CADPS2: variants seen among roughly 807,000 people sequenced by gnomAD.
The protein encoded by CADPS2 is calcium-dependent secretion activator 2.
In CADPS2, 93 loss-of-function variants were observed where a neutral mutation model predicts 172.5. The observed-to-expected ratio is 0.54, with a 90% CI of 0.46 to 0.64. The LOEUF (loss-of-function observed/expected upper bound fraction) is 0.64. Among genes scored for constraint, CADPS2 ranks in the 30% least tolerant of loss-of-function variants. CADPS2 has a pLI of 0.00. For synonymous variants in CADPS2, 546 were observed against 555.2 expected (o/e 0.98, Z 0.23); for missense variants, 1,420 against 1,565.9 (o/e 0.91, Z 1.57).
intron 5 of CADPS2, 99 bp from the exon 6 acceptor site, chr7:122,615,398 C>A: frequency 2.7e-6 from 2 of 743,476 alleles, no homozygotes; most frequent in Admixed American, 7.5e-5. Context: ...ATTGACAAAA[C>A]TGAAAAAAAA....
At chr7:122,689,204 C>T (rs912947204) in intron 2 of CADPS2, among the ~76,000 whole-genome samples, 11 of 152,250 alleles carry the variant, frequency 7.2e-5, no homozygotes, top group Middle Eastern at 6.8e-3. Context: ...ATCATCAAGG[C>T]GCTCAATCAC....
chr7:122,499,976 G>T (rs2059062578), intron 9 of CADPS2, among the ~76,000 whole-genome samples: 1 of 152,148 alleles, frequency 6.6e-6, no homozygotes, highest in Non-Finnish European at 1.5e-5. Flanking sequence ...GGGAAGGTCT[G>T]CCTTCCCTGC....
intron 25 of CADPS2, among the ~76,000 whole-genome samples, chr7:122,362,504 A>G (rs1349433286): frequency 1.3e-5 from 2 of 152,050 alleles, no homozygotes; most frequent in Non-Finnish European, 2.9e-5. Context: ...GAAATAAAAA[A>G]ACACATACAC....
intron 3 of CADPS2, among the ~76,000 whole-genome samples, chr7:122,630,720 A>G (rs766586177): frequency 6.6e-6 from 1 of 152,182 alleles, no homozygotes; most frequent in Non-Finnish European, 1.5e-5. Context: ...TTCTTTAAAG[A>G]TATACACAAA....
intron 20 of CADPS2, among the ~76,000 whole-genome samples, chr7:122,402,117 T>C (rs951971381): frequency 6.6e-6 from 1 of 152,206 alleles, no homozygotes; most frequent in Admixed American, 6.5e-5. Context: ...AGAAGTCTTG[T>C]CACAGATGGT....
intron 2 of CADPS2, among the ~76,000 whole-genome samples, chr7:122,726,465 C>A (rs2091096294): frequency 6.6e-6 from 1 of 151,898 alleles, no homozygotes. Flanking sequence ...GTGAAGCCAG[C>A]CCCCACTGTG....
chr7:122,407,519 A>G (rs767889493), intron 20 of CADPS2, 21 bp downstream of exon 20: 1 of 1,603,640 alleles, frequency 6.2e-7, no homozygotes, highest in Non-Finnish European at 8.5e-7. Context: ...TTCACATATG[A>G]AAGAAAACGC....
intron 2 of CADPS2, among the ~76,000 whole-genome samples, chr7:122,719,856 T>G (rs2090154307): frequency 1.3e-5 from 2 of 152,116 alleles, no homozygotes; most frequent in South Asian, 2.1e-4. Context: ...ATCAAAATCT[T>G]GCATAGATTA....
intron 7 of CADPS2, among the ~76,000 whole-genome samples, chr7:122,560,847 T>C (rs530444663): frequency 6.6e-6 from 1 of 152,116 alleles, no homozygotes; most frequent in Admixed American, 6.5e-5. Flanking sequence ...AGGTAGCATA[T>C]ATTATGAAAG....
At chr7:122,546,919 T>TAA (rs2063681014) in intron 8 of CADPS2, among the ~76,000 whole-genome samples, 1 of 151,630 alleles carries the variant, frequency 6.6e-6, no homozygotes, top group Non-Finnish European at 1.5e-5. Flanking sequence ...TATCTAAATG[T>TAA]GAAAAAAAAG....
At chr7:122,791,410 T>G (rs1795266072) in intron 1 of CADPS2, among the ~76,000 whole-genome samples, 1 of 152,168 alleles carries the variant, frequency 6.6e-6, no homozygotes, top group African/African-American at 2.4e-5. Context: ...TCATTTTCTT[T>G]GATTCTCAAT....
intron 8 of CADPS2, among the ~76,000 whole-genome samples, chr7:122,545,108 T>C (rs2063492452): frequency 6.6e-6 from 1 of 152,130 alleles, no homozygotes; most frequent in Non-Finnish European, 1.5e-5. Context: ...CAGATTCTCT[T>C]GTGCAGCTTG....
intron 8 of CADPS2, among the ~76,000 whole-genome samples, chr7:122,547,072 G>A (rs1173198945): frequency 1.5e-5 from 2 of 136,080 alleles, no homozygotes; most frequent in East Asian, 2.3e-4. Context: ...CAAATCTAGG[G>A]TGTTTTTTTT....
At chr7:122,459,867 G>A (rs2054242995) in intron 14 of CADPS2, among the ~76,000 whole-genome samples, 1 of 151,910 alleles carries the variant, frequency 6.6e-6, no homozygotes, top group African/African-American at 2.4e-5. Flanking sequence ...GTTTATAGTG[G>A]GAAAATGCAT....
chr7:122,365,722 G>A (rs933747245), intron 25 of CADPS2, among the ~76,000 whole-genome samples: 2 of 152,124 alleles, frequency 1.3e-5, no homozygotes, highest in African/African-American at 4.8e-5. Flanking sequence ...GGGCTTGTTT[G>A]AAAAATATTT....
At position 122,476,208 on chromosome 7, in the gene CADPS2, T is replaced by C. The variant is rs1046407457; in HGVS notation, c.1862-1691A>G. Among the ~76,000 whole-genome samples, 5 of 152,236 alleles carry C rather than the reference T, an allele frequency of 3.3e-5. No homozygotes were observed. In the East Asian group the frequency reaches 5.8e-4, roughly 18 times the overall value. On this transcript the variant is annotated intron_variant, in intron 12 of 29. Transcript: ENST00000449022. ...TATCATTTTTATGAAACTAAATTAC[T>C]AGTTTTATAAAACATCTGCTAAATT...
chr7:122,400,703 A>G (rs576803124), intron 20 of CADPS2, among the ~76,000 whole-genome samples: 12 of 152,304 alleles, frequency 7.9e-5, no homozygotes, highest in Admixed American at 2.6e-4. Context: ...CTAATCTGGC[A>G]TGCACAGATT....
chr7:122,517,402 TCCTGGGTAAATA>T (rs2130930270), intron 8 of CADPS2, among the ~76,000 whole-genome samples: 1 of 152,210 alleles, frequency 6.6e-6, no homozygotes, highest in East Asian at 1.9e-4. Flanking sequence ...TCTTCATTTC[TCCTGGGTAAATA>T]CCTAGGAGTG....
At chr7:122,526,827 A>C (rs1301107242) in intron 8 of CADPS2, among the ~76,000 whole-genome samples, 1 of 152,122 alleles carries the variant, frequency 6.6e-6, no homozygotes, top group African/African-American at 2.4e-5. Context: ...TTGTTTGACT[A>C]ATGTTTACTC....
Sources: gnomAD v4.1 joint callset for allele counts (sites outside exome capture counted in the v4.1 genomes callset) on GRCh38, gnomAD v4.1.1 for gene constraint, MANE v1.5 for transcripts, NCBI Gene and HGNC (gene_info 2026-07-23, HGNC 2026-07-21) for gene names.